The following DNAJC6 variants were observed in gnomAD, a reference collection of about 807,000 sequenced individuals.
The protein encoded by DNAJC6 is auxilin.
A neutral mutation model predicts 110.0 loss-of-function variants in DNAJC6; 34 were observed. The observed-to-expected ratio is 0.31, with a 90% CI of 0.24 to 0.41. DNAJC6 has a LOEUF of 0.41. Among genes scored for constraint, DNAJC6 ranks in the 10% least tolerant of loss-of-function variants. The pLI, the probability that DNAJC6 is intolerant of heterozygous loss-of-function variation, is 1.00. For synonymous variants in DNAJC6, 406 were observed against 437.2 expected (o/e 0.93, Z 0.89); for missense variants, 1,031 against 1,207.8 (o/e 0.85, Z 2.17).
intron 1 of DNAJC6, among the ~76,000 whole-genome samples, chr1:65,313,661 T>C (rs531848056): frequency 6.6e-6 from 1 of 152,316 alleles, no homozygotes; most frequent in Non-Finnish European, 1.5e-5. Flanking sequence ...CATTTTTATC[T>C]ACTTTGATTT....
At chr1:65,358,134 G>A (rs1357465417) in intron 1 of DNAJC6, among the ~76,000 whole-genome samples, 1 of 131,448 alleles carries the variant, frequency 7.6e-6, no homozygotes, top group African/African-American at 2.9e-5. Flanking sequence ...AGCTGAGATC[G>A]CACCACTATA....
chr1:65,333,993 A>G (rs1645311756), intron 1 of DNAJC6, among the ~76,000 whole-genome samples: 1 of 152,252 alleles, frequency 6.6e-6, no homozygotes, highest in Non-Finnish European at 1.5e-5. Flanking sequence ...TATTCACTAT[A>G]AAAAGTTCTA....
intron 1 of DNAJC6, among the ~76,000 whole-genome samples, chr1:65,314,267 G>A (rs899673197): frequency 1.3e-5 from 2 of 151,688 alleles, no homozygotes; most frequent in Admixed American, 6.6e-5. Context: ...AGTCTGGTTG[G>A]AAACAAAAAT....
At chr1:65,366,382 G>A (rs191075942) in intron 4 of DNAJC6, among the ~76,000 whole-genome samples, 186 bp downstream of exon 4, 11 of 152,276 alleles carry the variant, frequency 7.2e-5, no homozygotes, top group Non-Finnish European at 1.3e-4. Flanking sequence ...CTTGGGTGAG[G>A]ATACTTACAG....
intron 1 of DNAJC6, among the ~76,000 whole-genome samples, chr1:65,319,153 G>T (rs1645174245): frequency 6.6e-6 from 1 of 152,196 alleles, no homozygotes; most frequent in Non-Finnish European, 1.5e-5. Context: ...ATGGCAGCAG[G>T]AGAGAAGGTA....
chr1:65,326,498 C>A (rs1645243012), intron 1 of DNAJC6, among the ~76,000 whole-genome samples: 1 of 152,194 alleles, frequency 6.6e-6, no homozygotes, highest in Non-Finnish European at 1.5e-5. Context: ...GCATTGTAGT[C>A]TTTACCCGTT....
intron 1 of DNAJC6, among the ~76,000 whole-genome samples, chr1:65,338,917 A>T (rs1170631984): frequency 6.6e-6 from 1 of 152,174 alleles, no homozygotes; most frequent in African/African-American, 2.4e-5. Flanking sequence ...GGTTAGCCTC[A>T]TTCATCTTTG....
chr1:65,344,480 G>A (rs1260195781), intron 1 of DNAJC6, among the ~76,000 whole-genome samples: 3 of 152,012 alleles, frequency 2.0e-5, no homozygotes, highest in Non-Finnish European at 4.4e-5. Flanking sequence ...AGTGTGCCAG[G>A]GAAATAATTA....
chr1:65,355,021 A>G (rs1645528539), intron 1 of DNAJC6, among the ~76,000 whole-genome samples: 1 of 152,166 alleles, frequency 6.6e-6, no homozygotes, highest in South Asian at 2.1e-4. Flanking sequence ...TGACACATGT[A>G]ATCCCAGCAC....
chr1:65,400,029 A>C (rs1646015917), intron 14 of DNAJC6, among the ~76,000 whole-genome samples: 1 of 152,072 alleles, frequency 6.6e-6, no homozygotes, highest in South Asian at 2.1e-4. Context: ...AAAATACAAA[A>C]GTTAGCCAGG....
At chr1:65,354,044 T>G (rs1240197597) in intron 1 of DNAJC6, among the ~76,000 whole-genome samples, 3 of 152,158 alleles carry the variant, frequency 2.0e-5, no homozygotes, top group Non-Finnish European at 1.5e-5. Context: ...GAGTGCTTAC[T>G]GTGTGCCATA....
intron 1 of DNAJC6, among the ~76,000 whole-genome samples, chr1:65,267,117 G>A (rs538424779): frequency 1.2e-4 from 18 of 152,100 alleles, no homozygotes; most frequent in African/African-American, 3.6e-4. Flanking sequence ...GGCTGGTCTC[G>A]AACTCCTGAC....
At chr1:65,359,113 C>CCCTA (rs1434766556) in intron 1 of DNAJC6, among the ~76,000 whole-genome samples, 1 of 152,176 alleles carries the variant, frequency 6.6e-6, no homozygotes, top group Non-Finnish European at 1.5e-5. Context: ...TTAAGACTAG[C>CCCTA]CCTAGCATTT....
chr1:65,405,871 T>C lies in DNAJC6; in HGVS notation c.2229T>C (p.Gly743=), dbSNP rs1485646217. ...LDPFADLGTL[G]SSSFASKPTT... is the part of the protein sequence containing the mutation. ...TTCTTTATCTCTTTTTTTCTTTAGG[T>C]AGTTCTTCCTTTGCCAGCAAACCCA... is the stretch of plus-strand genomic sequence containing the variant. The change falls in exon 16 of 19, where the codon GGT becomes GGC. Residue 743 remains glycine (G), a splice_region_variant and synonymous_variant. Coordinates refer to ENST00000371069, the MANE Select transcript of DNAJC6 (RefSeq NM_001256864.2). 6.3e-7 allele frequency: 1 copy of C among 1,596,518 alleles called. No homozygotes were observed. The highest frequency in any genetic ancestry group is 1.1e-5 in the South Asian group (1 of 88,998).
At chr1:65,337,134 T>C (rs916337909) in intron 1 of DNAJC6, among the ~76,000 whole-genome samples, 1 of 150,562 alleles carries the variant, frequency 6.6e-6, no homozygotes, top group African/African-American at 2.4e-5. Flanking sequence ...TCCCGGTAGA[T>C]TAAAGGCTTG....
intron 1 of DNAJC6, among the ~76,000 whole-genome samples, chr1:65,326,846 A>G (rs1370191329): frequency 1.3e-5 from 2 of 152,260 alleles, no homozygotes; most frequent in Non-Finnish European, 2.9e-5. Flanking sequence ...TCTAAATTCC[A>G]GGAGGAAAGA....
chr1:65,304,960 A>T (rs764386645), upstream of DNAJC6, among the ~76,000 whole-genome samples: 3 of 152,232 alleles, frequency 2.0e-5, no homozygotes, highest in Non-Finnish European at 4.4e-5. Flanking sequence ...AGATGGCTTG[A>T]TGTTCCCCAG....
intron 1 of DNAJC6, among the ~76,000 whole-genome samples, chr1:65,296,735 C>T (rs113022688): frequency 1.1e-3 from 166 of 152,144 alleles, no homozygotes; most frequent in Middle Eastern, 3.4e-3. Context: ...TAAAGGCGCA[C>T]GCCACCACGC....
chr1:65,411,006 C>T (rs1182789263), intron 17 of DNAJC6, among the ~76,000 whole-genome samples: 1 of 152,104 alleles, frequency 6.6e-6, no homozygotes, highest in Non-Finnish European at 1.5e-5. Flanking sequence ...GGAATTCAAA[C>T]TCGCAAAGTC....
Sources: allele counts gnomAD v4.1 joint callset (sites outside exome capture counted in the v4.1 genomes callset), GRCh38; gene constraint gnomAD v4.1.1; transcripts MANE v1.5; gene names NCBI Gene and HGNC (gene_info 2026-07-23, HGNC 2026-07-21).